Variants in TNS1 observed in about 807,000 individuals in gnomAD.
TNS1 encodes the protein tensin-1.
Under a neutral mutation model 168.6 loss-of-function variants are expected in TNS1, and 62 were observed. The ratio of observed to expected loss-of-function variants is 0.37; its 90% confidence interval spans 0.30 to 0.45. The LOEUF (loss-of-function observed/expected upper bound fraction) is 0.45. Ranked by LOEUF, TNS1 falls within the 20% of genes least tolerant of loss-of-function variation. The pLI is 1.00. For synonymous variants in TNS1, 934 were observed against 933.2 expected, an observed-to-expected ratio of 1.00 and a Z score of -0.02; for missense variants, 2,240 against 2,339.4, an observed-to-expected ratio of 0.96 and a Z score of 0.88.
At chr2:217,825,571 C>G (rs1244387655) in intron 22 of TNS1, among the ~76,000 whole-genome samples, 1 of 152,228 alleles carries the variant, frequency 6.6e-6, no homozygotes, top group Non-Finnish European at 1.5e-5. Flanking sequence ...ACGCCCCACC[C>G]TTTTAAAGAA....
chr2:217,842,052 C>T (rs939758647), intron 19 of TNS1: 1 of 702,918 alleles, frequency 1.4e-6, no homozygotes, highest in South Asian at 1.5e-5. Flanking sequence ...GCTATGTTAC[C>T]TTTCCTCTCC....
intron 18 of TNS1, among the ~76,000 whole-genome samples, chr2:217,862,936 C>T (rs541913542): frequency 6.2e-4 from 95 of 152,314 alleles, no homozygotes; most frequent in African/African-American, 2.2e-3. Flanking sequence ...CCATTCCCTC[C>T]AGACCATCCT....
intron 21 of TNS1, among the ~76,000 whole-genome samples, chr2:217,831,832 C>G (rs1944467177): frequency 6.6e-6 from 1 of 152,184 alleles, no homozygotes; most frequent in African/African-American, 2.4e-5. Context: ...CCCTTAGCTT[C>G]TCGCTGCAGT....
intron 1 of TNS1, among the ~76,000 whole-genome samples, chr2:218,015,703 A>G (rs1487992460): frequency 6.6e-6 from 1 of 151,826 alleles, no homozygotes; most frequent in Non-Finnish European, 1.5e-5. Context: ...CCCCTTTCCA[A>G]ATGACTTCCA....
chr2:217,953,360 G>C (rs1429743728), intron 3 of TNS1, among the ~76,000 whole-genome samples: 1 of 152,202 alleles, frequency 6.6e-6, no homozygotes, highest in African/African-American at 2.4e-5. Context: ...TTCAGGCTGT[G>C]AGCCTTGGCT....
chr2:217,917,829 C>CAAAAAAAA (rs79888115), intron 4 of TNS1, among the ~76,000 whole-genome samples: 10 of 75,986 alleles, frequency 1.3e-4, no homozygotes, highest in Non-Finnish European at 2.2e-4. Flanking sequence ...AGACTGTTCT[C>CAAAAAAAA]AAAAAAAAAA....
At chr2:217,943,590 G>A (rs532868674) in intron 3 of TNS1, among the ~76,000 whole-genome samples, 2 of 152,256 alleles carry the variant, frequency 1.3e-5, no homozygotes, top group Non-Finnish European at 2.9e-5. Context: ...CTCTCTCAGA[G>A]CAGGGACAAG....
chr2:217,893,631 C>A, intron 9 of TNS1, 70 bp from the exon 10 acceptor site: 1 of 1,531,088 alleles, frequency 6.5e-7, no homozygotes, highest in Non-Finnish European at 8.8e-7. Context: ...CGGGAGCCAC[C>A]TACGCCACGT....
intron 3 of TNS1, among the ~76,000 whole-genome samples, chr2:217,963,597 G>C (rs2126009084): frequency 6.6e-6 from 1 of 152,214 alleles, no homozygotes; most frequent in African/African-American, 2.4e-5. Flanking sequence ...TTTCCAAATA[G>C]CTAGATAAGA....
chr2:217,980,311 T>C (rs3762562), intron 2 of TNS1, among the ~76,000 whole-genome samples: 46,412 of 151,880 alleles, frequency 0.31, 7,663 homozygotes, highest in East Asian at 0.54. Flanking sequence ...CTCTGGTCTT[T>C]CTGCTTCTCC....
chr2:217,918,879 C>A (rs1955420486), intron 4 of TNS1, among the ~76,000 whole-genome samples: 1 of 152,174 alleles, frequency 6.6e-6, no homozygotes, highest in African/African-American at 2.4e-5. Context: ...CTCCACTGGG[C>A]TCCGTATGAA....
At chr2:218,021,436 G>A (rs1331515509) in intron 1 of TNS1, among the ~76,000 whole-genome samples, 1 of 152,290 alleles carries the variant, frequency 6.6e-6, no homozygotes, top group East Asian at 1.9e-4. Flanking sequence ...CACCTTCCAG[G>A]TAGGAAAGTT....
chr2:218,005,275 T>C (rs1475161234), upstream of TNS1, among the ~76,000 whole-genome samples: 1 of 152,156 alleles, frequency 6.6e-6, no homozygotes, highest in African/African-American at 2.4e-5. Flanking sequence ...AAAAACCAAG[T>C]CACAGTGACA....
At chr2:218,010,009 C>T (rs1014748980) in intron 1 of TNS1, 1 of 376,542 alleles carries the variant, frequency 2.7e-6, no homozygotes, top group African/African-American at 2.4e-5. Flanking sequence ...TAAGTCAGAT[C>T]GAATGCCCAG....
chr2:218,031,314 TGTGG>T (rs1337768984), intron 1 of TNS1, among the ~76,000 whole-genome samples: 6 of 139,080 alleles, frequency 4.3e-5, no homozygotes, highest in Non-Finnish European at 7.6e-5. Flanking sequence ...TGTGTATGAG[TGTGG>T]GTGTGTGAGC....
At chr2:217,884,970 T>C in intron 16 of TNS1, 65 bp downstream of exon 16, 26 of 1,602,912 alleles carry the variant, frequency 1.6e-5, no homozygotes, top group Non-Finnish European at 2.0e-5. Context: ...CACCATATCG[T>C]CTCAAACTGA....
chr2:217,818,188 C>G lies in TNS1; in HGVS notation c.4144G>C (p.Ala1382Pro). 4 of 1,613,846 alleles carry G rather than the reference C, an allele frequency of 2.5e-6. No individual in the cohort carries two copies. The highest frequency in any genetic ancestry group is 3.4e-6 in the Non-Finnish European group (4 of 1,179,914). Residue 1382 changes from alanine to proline, a missense_variant, in exon 24 of 33, where the codon GCT (alanine) becomes CCT (proline). Ala to Pro is a conservative substitution (Grantham distance 27). This residue lies in a region of TNS1 where 2,131 missense variants were observed against 2,171.2 expected (regional missense o/e 0.98). Transcript: ENST00000682258. ...CCGGAGGCCAGGTTGCCTTGGTGAG[C>G]CCCAGGGTGCCGGCCCAGGCTGGGA... ...GSPSLGRHPG[A>P]HQGNLASGLH... is the part of the protein sequence containing the mutation.
At chr2:217,829,736 G>A in intron 22 of TNS1, 1 of 1,320,832 alleles carries the variant, frequency 7.6e-7, no homozygotes, top group East Asian at 2.3e-5. Context: ...CTGGTCGCCT[G>A]AGTCCCAGTG....
intron 22 of TNS1, among the ~76,000 whole-genome samples, chr2:217,826,334 G>A (rs549297975): frequency 6.6e-6 from 1 of 152,274 alleles, no homozygotes; most frequent in Non-Finnish European, 1.5e-5. Context: ...TCTCCGTAGT[G>A]AAAATGCTTC....
Sources: gnomAD v4.1 joint callset for allele counts (sites outside exome capture counted in the v4.1 genomes callset) on GRCh38, gnomAD v4.1.1 for gene constraint, gnomAD v4.1.1 regional missense constraint, MANE v1.5 for transcripts, NCBI Gene and HGNC (gene_info 2026-07-23, HGNC 2026-07-21) for gene names.